BCAS3: variants seen among roughly 807,000 people sequenced by gnomAD.
The protein encoded by BCAS3 is BCAS3 microtubule associated cell migration factor, also known as BCAS4/BCAS3 fusion.
In BCAS3, 53 loss-of-function variants were observed where a neutral mutation model predicts 116.1. That is an observed-to-expected ratio of 0.46 (90% confidence interval 0.37 to 0.57). BCAS3 has a LOEUF of 0.57. Among genes scored for constraint, BCAS3 ranks in the 20% least tolerant of loss-of-function variants. The pLI, the probability that BCAS3 is intolerant of heterozygous loss-of-function variation, is 0.00. For missense variants in BCAS3, 917 were observed against 1,165.4 expected, an observed-to-expected ratio of 0.79 and a Z score of 3.10; for synonymous variants, 391 against 408.2, an observed-to-expected ratio of 0.96 and a Z score of 0.51.
chr17:60,924,829 A>AT (rs966630860), intron 13 of BCAS3, among the ~76,000 whole-genome samples: 89 of 147,442 alleles, frequency 6.0e-4, no homozygotes, highest in African/African-American at 1.4e-3. Context: ...TATGAGCAGT[A>AT]TTTTTTTTTT....
intron 11 of BCAS3, among the ~76,000 whole-genome samples, chr17:60,906,268 T>G (rs972850128): frequency 1.3e-5 from 2 of 152,240 alleles, no homozygotes; most frequent in South Asian, 4.1e-4. Context: ...TCAAAACTTT[T>G]TAGAAAATAG....
chr17:61,051,810 G>A lies in BCAS3; in HGVS notation c.2029+10918G>A, dbSNP rs1461725622. 6.6e-6 allele frequency among the ~76,000 whole-genome samples: 1 copy of A among 151,996 alleles called. No homozygotes were observed. On this transcript the variant is annotated intron_variant, in intron 19 of 23. Coordinates refer to ENST00000407086, the MANE Select transcript of BCAS3 (RefSeq NM_017679.5). The surrounding 1 kb of genome is among the most constrained non-coding windows in gnomAD (Gnocchi z 4.1). ...GAAAAACAGGAAATTTTGTGAGATG[G>A]CACTAAATCCATACTCAAGGGAAAA... is the stretch of plus-strand genomic sequence containing the variant.
intron 21 of BCAS3, among the ~76,000 whole-genome samples, chr17:61,079,224 T>G (rs1399398307): frequency 2.0e-5 from 3 of 152,174 alleles, no homozygotes; most frequent in Non-Finnish European, 4.4e-5. Flanking sequence ...TCTTGTCTTC[T>G]CTTTAAAAAA....
intron 22 of BCAS3, among the ~76,000 whole-genome samples, chr17:61,093,925 C>T (rs955272888): frequency 3.3e-5 from 5 of 152,166 alleles, no homozygotes; most frequent in African/African-American, 1.2e-4. Flanking sequence ...ACGAACATAC[C>T]AGTGGTTTTT....
At position 61,013,323 on chromosome 17, in the gene BCAS3, A is replaced by T. The variant is rs890614634; in HGVS notation, c.1487-2428A>T. Among the ~76,000 whole-genome samples the T allele has an allele frequency of 6.6e-6, 1 of 152,156 alleles. No individual in the cohort carries two copies. Among genetic ancestry groups the T allele is most frequent in the African/African-American group, 2.4e-5 (1 of 41,450 alleles). On this transcript the variant is annotated intron_variant, in intron 15 of 23. Coordinates refer to ENST00000407086, the MANE Select transcript of BCAS3 (RefSeq NM_017679.5). This position sits in a 1 kb window ranked among gnomAD's most constrained non-coding sequence, Gnocchi z 4.4. ...TATTTGTTTACTAGTTGTGAAATAC[A>T]TATGATGTACACAATTCTTAATTTT... is the stretch of plus-strand genomic sequence containing the variant.
At chr17:61,174,314 A>G (rs1405417936) in intron 22 of BCAS3, among the ~76,000 whole-genome samples, 2 of 151,868 alleles carry the variant, frequency 1.3e-5, no homozygotes, top group Non-Finnish European at 2.9e-5. Flanking sequence ...ACATCTCACC[A>G]TTTTCCTCAC....
In BCAS3 at chr17:61,078,362, T is replaced by C. The variant is rs35585053; in HGVS notation, c.2160T>C (p.His720=). The C allele has an allele frequency of 1.9e-5, 30 of 1,613,954 alleles. No homozygotes were observed. The highest frequency in any genetic ancestry group is 2.2e-5 in the South Asian group (2 of 91,058). ...AAATTGTAACACACACTGGACCCCA[T>C]AGACGTCTGTGGATGGGTCCACAGT... is the stretch of plus-strand genomic sequence containing the variant. The part of the protein sequence containing the change: ...QVEIVTHTGP[H]RRLWMGPQFQ... The change falls in exon 21 of 24, where the codon CAT becomes CAC. Residue 720 remains histidine (H), a synonymous_variant. Coordinates refer to ENST00000407086, the MANE Select transcript of BCAS3 (RefSeq NM_017679.5).
In BCAS3 at chr17:61,269,830, G is replaced by A. The variant is rs536323153; in HGVS notation, c.2426-98497G>A. On this transcript the variant is annotated intron_variant, in intron 22 of 23. Transcript: ENST00000407086. ...TTTTTTTTTTTTTAATTAAGACAAG[G>A]TCTTGCTCTGTTGCCCAGGCTGGAG... Among the ~76,000 whole-genome samples, 28 of 147,932 alleles carry A rather than the reference G, an allele frequency of 1.9e-4. No individual in the cohort carries two copies. The East Asian group carries it at 3.0e-3, about 16-fold the overall frequency.
At chr17:60,932,064 C>A (rs1384737731) in intron 13 of BCAS3, among the ~76,000 whole-genome samples, 1 of 151,760 alleles carries the variant, frequency 6.6e-6, no homozygotes, top group Non-Finnish European at 1.5e-5. Flanking sequence ...CAGAGCAAGA[C>A]CCTGTCTAAA....
intron 7 of BCAS3, among the ~76,000 whole-genome samples, chr17:60,831,668 G>A (rs1476198736): frequency 6.6e-6 from 1 of 152,068 alleles, no homozygotes; most frequent in Non-Finnish European, 1.5e-5. Context: ...GTGTGTGGGT[G>A]TGGGTGGATG....
chr17:60,944,238 G>A (rs28896238), intron 13 of BCAS3, among the ~76,000 whole-genome samples: 4 of 151,684 alleles, frequency 2.6e-5, no homozygotes, highest in Admixed American at 2.6e-4. Context: ...AAAAAACAGA[G>A]AAGACACAGA....
At chr17:61,025,514 A>C (rs1385378250) in intron 16 of BCAS3, among the ~76,000 whole-genome samples, 1 of 152,058 alleles carries the variant, frequency 6.6e-6, no homozygotes, top group Admixed American at 6.6e-5. Context: ...ACATTCATTA[A>C]ATTATTGTTT....
chr17:60,882,305 A>G (rs1397926518), intron 9 of BCAS3, among the ~76,000 whole-genome samples: 1 of 148,156 alleles, frequency 6.7e-6, no homozygotes, highest in East Asian at 2.0e-4. Flanking sequence ...TTTTTCTTGT[A>G]AATTTGTTTG....
chr17:61,086,797 T>A, intron 22 of BCAS3: 1 of 985,412 alleles, frequency 1.0e-6, no homozygotes, highest in Non-Finnish European at 1.2e-6. Context: ...TAAAGAAGCC[T>A]CATAGATAAG....
chr17:61,332,952 A>G lies in BCAS3; in HGVS notation c.2426-35375A>G, dbSNP rs913719305. On this transcript the variant is annotated intron_variant, in intron 22 of 23. Transcript: ENST00000407086. This position sits in a 1 kb window ranked among gnomAD's most constrained non-coding sequence, Gnocchi z 5.4. ...TAAAAAGGAGGCAGCTAAGGCTCAG[A>G]GAAGTCATATTACAAGTCTAGGGCA... 2.0e-5 allele frequency among the ~76,000 whole-genome samples: 3 copies of G among 152,218 alleles called. No individual in the cohort carries two copies. The highest frequency in any genetic ancestry group is 4.8e-5 in the African/African-American group (2 of 41,468).
rs1052988322 is a variant in BCAS3, at chr17:61,124,679, C to A, written c.2425+40115C>A. On this transcript the variant is annotated intron_variant, in intron 22 of 23. Coordinates refer to ENST00000407086, the MANE Select transcript of BCAS3 (RefSeq NM_017679.5). This position sits in a 1 kb window ranked among gnomAD's most constrained non-coding sequence, Gnocchi z 4.6. ...TTTTGAAATATGAGAGATTTGTCAG[C>A]CCTTTGAAAAAATGGTTATAGTTCA... is the stretch of plus-strand genomic sequence containing the variant. Among the ~76,000 whole-genome samples, 2 of 152,064 alleles carry A rather than the reference C, an allele frequency of 1.3e-5. No homozygotes were observed. The highest frequency in any genetic ancestry group is 2.9e-5 in the Non-Finnish European group (2 of 68,012).
intron 10 of BCAS3, chr17:60,900,041 T>C (rs372385189): frequency 2.0e-5 from 3 of 151,842 alleles, no homozygotes; most frequent in African/African-American, 7.3e-5. Flanking sequence ...CTCATAGGAG[T>C]AGGGGACCAC....
chr17:61,271,589 CTGTGTGTGTG>C (rs34693526), intron 22 of BCAS3, among the ~76,000 whole-genome samples: 3,968 of 118,386 alleles, frequency 0.034, 81 homozygotes, highest in Middle Eastern at 0.14. Context: ...ACGCCCAGCT[CTGTGTGTGTG>C]TGTGTGTGTG....
intron 11 of BCAS3, among the ~76,000 whole-genome samples, chr17:60,908,771 T>G (rs1265164094): frequency 1.3e-5 from 2 of 152,244 alleles, no homozygotes; most frequent in East Asian, 3.8e-4. Flanking sequence ...AGTCTGCTGT[T>G]AAATTATATC....
Sources: gnomAD v4.1 joint callset for allele counts (sites outside exome capture counted in the v4.1 genomes callset) on GRCh38, gnomAD v4.1.1 for gene constraint, Gnocchi (gnomAD v3.1) non-coding constraint, MANE v1.5 for transcripts, NCBI Gene and HGNC (gene_info 2026-07-23, HGNC 2026-07-21) for gene names.